CTNNA2: variants seen among roughly 807,000 people sequenced by gnomAD.
CTNNA2 encodes the protein catenin alpha 2, also known as catenin alpha-2.
In CTNNA2, 42 loss-of-function variants were observed where a neutral mutation model predicts 101.0. The observed-to-expected ratio is 0.42, with a 90% CI of 0.32 to 0.54. The LOEUF (loss-of-function observed/expected upper bound fraction) is 0.54. CTNNA2 is among the 20% of genes least tolerant of loss of function. CTNNA2 has a pLI of 0.14. For synonymous variants in CTNNA2, 450 were observed against 456.4 expected (o/e 0.99, Z 0.18); for missense variants, 871 against 1,223.1 (o/e 0.71, Z 4.29).
intron 7 of CTNNA2, among the ~76,000 whole-genome samples, chr2:80,197,183 A>T (rs980741): frequency 0.74 from 112,417 of 152,068 alleles, 42,439 homozygotes; most frequent in African/African-American, 0.89. Context: ...ATGTTGTCTT[A>T]CTTGCTTAAT....
chr2:79,944,394 G>T (rs117995396), intron 7 of CTNNA2, among the ~76,000 whole-genome samples: 4 of 152,294 alleles, frequency 2.6e-5, no homozygotes, highest in East Asian at 3.9e-4. Flanking sequence ...CAACTTTAAA[G>T]TGATGACTCA....
chr2:79,736,844 ATCTTGGTTC>A (rs1200731344), intron 2 of CTNNA2, among the ~76,000 whole-genome samples: 1 of 152,176 alleles, frequency 6.6e-6, no homozygotes, highest in African/African-American at 2.4e-5. Context: ...TGCCCAAATT[ATCTTGGTTC>A]TCCTTTACTG....
At chr2:79,861,936 A>G (rs564409857) in intron 4 of CTNNA2, among the ~76,000 whole-genome samples, 4 of 152,358 alleles carry the variant, frequency 2.6e-5, no homozygotes, top group African/African-American at 7.2e-5. Flanking sequence ...TACCTGGAAT[A>G]TCCTGCAATC....
intron 2 of CTNNA2, among the ~76,000 whole-genome samples, chr2:79,662,965 T>C (rs1682141338): frequency 6.6e-6 from 1 of 152,190 alleles, no homozygotes. Flanking sequence ...TGTTCAGGCC[T>C]CCGACTTGGT....
chr2:79,862,779 T>C (rs999718067), intron 4 of CTNNA2, among the ~76,000 whole-genome samples: 2 of 152,206 alleles, frequency 1.3e-5, no homozygotes, highest in Non-Finnish European at 2.9e-5. Context: ...TAGAGTGCAA[T>C]GCATGTTAGG....
intron 7 of CTNNA2, among the ~76,000 whole-genome samples, chr2:80,277,257 G>A (rs1277967959): frequency 1.3e-5 from 2 of 152,116 alleles, no homozygotes; most frequent in African/African-American, 2.4e-5. Context: ...AGATCAATGT[G>A]TTTGTCAGTC....
At chr2:79,900,359 G>T (rs1684992892) in intron 6 of CTNNA2, among the ~76,000 whole-genome samples, 1 of 152,122 alleles carries the variant, frequency 6.6e-6, no homozygotes, top group South Asian at 2.1e-4. Context: ...ACTTGTTTAT[G>T]TTGTTTTGTT....
At chr2:79,807,501 A>C (rs1465805776) in intron 3 of CTNNA2, among the ~76,000 whole-genome samples, 1 of 152,172 alleles carries the variant, frequency 6.6e-6, no homozygotes, top group Admixed American at 6.5e-5. Context: ...GTTCCTAGTA[A>C]GTGAAAACAT....
At chr2:80,134,609 G>A (rs1415209059) in intron 7 of CTNNA2, among the ~76,000 whole-genome samples, 1 of 152,140 alleles carries the variant, frequency 6.6e-6, no homozygotes, top group Non-Finnish European at 1.5e-5. Context: ...TGATGACTGG[G>A]TGCCTGCGCC....
intron 1 of CTNNA2, among the ~76,000 whole-genome samples, chr2:79,635,633 A>G (rs1206894589): frequency 6.7e-6 from 1 of 149,172 alleles, no homozygotes; most frequent in East Asian, 2.2e-4. Context: ...CCTCCCAAGT[A>G]GCTGGGATTA....
intron 1 of CTNNA2, among the ~76,000 whole-genome samples, chr2:79,569,370 A>G (rs193035894): frequency 6.6e-6 from 1 of 152,160 alleles, no homozygotes; most frequent in Non-Finnish European, 1.5e-5. Flanking sequence ...GAAATGGTTC[A>G]GTAGCTGAAT....
At chr2:80,117,000 C>T (rs1573129631) in intron 7 of CTNNA2, among the ~76,000 whole-genome samples, 1 of 151,594 alleles carries the variant, frequency 6.6e-6, no homozygotes, top group South Asian at 2.1e-4. Flanking sequence ...TACATGGACA[C>T]ACTTGGAAGT....
chr2:79,426,674 A>G (rs1678595412), intron 4 of CTNNA2, among the ~76,000 whole-genome samples: 1 of 152,146 alleles, frequency 6.6e-6, no homozygotes, highest in South Asian at 2.1e-4. Context: ...CATCATGTAG[A>G]GTGTGGTACA....
intron 7 of CTNNA2, among the ~76,000 whole-genome samples, chr2:80,117,094 G>A (rs1051815356): frequency 6.6e-6 from 1 of 152,130 alleles, no homozygotes; most frequent in Non-Finnish European, 1.5e-5. Flanking sequence ...CTATGAAGGT[G>A]TCAGTTGTCG....
intron 2 of CTNNA2, among the ~76,000 whole-genome samples, chr2:79,214,427 TA>T (rs1258296866): frequency 6.6e-6 from 1 of 152,184 alleles, no homozygotes; most frequent in African/African-American, 2.4e-5. Context: ...AACTAACCTG[TA>T]AGGCTCGTCT....
chr2:79,974,236 G>A (rs613273), intron 7 of CTNNA2, among the ~76,000 whole-genome samples: 137,519 of 152,158 alleles, frequency 0.9, 62,311 homozygotes, highest in Non-Finnish European at 0.93. Flanking sequence ...AATAATAGAA[G>A]TCTGCTGTAG....
chr2:79,672,341 C>T (rs541002777), intron 2 of CTNNA2, among the ~76,000 whole-genome samples: 4 of 152,202 alleles, frequency 2.6e-5, no homozygotes, highest in South Asian at 2.1e-4. Context: ...TCACTCTGAT[C>T]GTTAACAATA....
At chr2:79,329,031 C>A (rs114238211) in intron 3 of CTNNA2, among the ~76,000 whole-genome samples, 1,566 of 152,318 alleles carry the variant, frequency 0.01, 28 homozygotes, top group African/African-American at 0.036. Flanking sequence ...TATGAGGACA[C>A]TAGTTATGCT....
intron 10 of CTNNA2, among the ~76,000 whole-genome samples, chr2:80,545,349 C>T (rs540966322): frequency 6.6e-6 from 1 of 152,216 alleles, no homozygotes; most frequent in Admixed American, 6.5e-5. Context: ...GGGTTCAAGG[C>T]CAGCCTGGGC....
Sources: gnomAD v4.1 joint callset for allele counts (sites outside exome capture counted in the v4.1 genomes callset) on GRCh38, gnomAD v4.1.1 for gene constraint, MANE v1.5 for transcripts, NCBI Gene and HGNC (gene_info 2026-07-23, HGNC 2026-07-21) for gene names.